AUTS2: variants seen among roughly 807,000 people sequenced by gnomAD.
AUTS2 encodes activator of transcription and developmental regulator AUTS2.
A neutral mutation model predicts 112.4 loss-of-function variants in AUTS2; 17 were observed. The ratio of observed to expected loss-of-function variants is 0.15; its 90% CI spans 0.10 to 0.23. The LOEUF (loss-of-function observed/expected upper bound fraction) is 0.23, where lower values mean the gene tolerates loss of function less well. Ranked by LOEUF, AUTS2 falls within the 10% of genes least tolerant of loss-of-function variation. The probability of loss-of-function intolerance (pLI) is 1.00; values close to 1 mark genes in which losing one functional copy is unlikely to be tolerated. For missense variants in AUTS2, 1,510 were observed against 1,701.6 expected (o/e 0.89, Z 1.98); for synonymous variants, 751 against 702.7 (o/e 1.07, Z -1.09).
chr7:70,469,000 G>T (rs943399638), intron 5 of AUTS2, among the ~76,000 whole-genome samples: 1 of 152,276 alleles, frequency 6.6e-6, no homozygotes, highest in Non-Finnish European at 1.5e-5. Flanking sequence ...TAAAATAATC[G>T]TCAGTAGTTG....
rs567175469 is a variant in AUTS2, at chr7:70,572,492, C to T, written c.691-126077C>T. Among the ~76,000 whole-genome samples the T allele has an allele frequency of 9.6e-4, 131 of 135,808 alleles. 2 individuals are homozygous for T. Among genetic ancestry groups the T allele is most frequent in the Middle Eastern group, 8.4e-3 (2 of 238 alleles). 89.1% of individuals were successfully genotyped at this position (135,808 alleles called of 152,430 possible). A position where few individuals can be genotyped will look rare whatever the true frequency, so the allele number is the denominator to read the frequency against. On this transcript the variant is annotated intron_variant, in intron 5 of 18. Transcript: ENST00000342771. ...GGTGGGGAGGCAGGAAAAGGGGGGG[C>T]GAGAGTGAAATATTACTACTTAAAA... is the stretch of plus-strand genomic sequence containing the variant.
intron 6 of AUTS2, among the ~76,000 whole-genome samples, chr7:70,708,917 CTT>C (rs34290500): frequency 0.23 from 31,538 of 134,268 alleles, 3,365 homozygotes; most frequent in East Asian, 0.59. Context: ...TGTTTAAATA[CTT>C]TTTTTTTTTT....
intron 6 of AUTS2, among the ~76,000 whole-genome samples, chr7:70,760,746 A>C (rs974202057): frequency 5.9e-5 from 9 of 152,226 alleles, no homozygotes; most frequent in Admixed American, 4.6e-4. Context: ...TTAGGAACAA[A>C]GGTTTTGAGA....
chr7:69,854,194 A>G (rs770535885), intron 1 of AUTS2, among the ~76,000 whole-genome samples: 6 of 152,116 alleles, frequency 3.9e-5, no homozygotes, highest in African/African-American at 7.2e-5. Flanking sequence ...TGTGCTACCA[A>G]TGCCTTTCAG....
intron 4 of AUTS2, chr7:70,292,212 G>T (rs1410892967): frequency 6.6e-6 from 1 of 152,200 alleles, no homozygotes; most frequent in East Asian, 1.9e-4. Context: ...CCTTCATGGA[G>T]TCTCTGGTCA....
chr7:70,038,830 C>T (rs940559627), intron 2 of AUTS2, among the ~76,000 whole-genome samples: 2 of 152,124 alleles, frequency 1.3e-5, no homozygotes, highest in African/African-American at 4.8e-5. Flanking sequence ...GCGATCTCAG[C>T]TCACGGTAAC....
chr7:70,612,596 G>A (rs1804151889), intron 5 of AUTS2, among the ~76,000 whole-genome samples: 1 of 152,040 alleles, frequency 6.6e-6, no homozygotes, highest in Non-Finnish European at 1.5e-5. Context: ...TGGCCTGGGT[G>A]GCACAGGGCT....
intron 1 of AUTS2, among the ~76,000 whole-genome samples, chr7:69,882,734 G>A (rs1794109602): frequency 6.6e-6 from 1 of 151,980 alleles, no homozygotes. Context: ...AGCTTCACAG[G>A]GTATTGTAGT....
intron 4 of AUTS2, among the ~76,000 whole-genome samples, chr7:70,254,645 A>G (rs563972914): frequency 6.6e-6 from 1 of 152,298 alleles, no homozygotes; most frequent in South Asian, 2.1e-4. Flanking sequence ...CTGTTTCTAT[A>G]AAACTTTCCT....
chr7:70,421,172 A>G (rs1795204428), intron 4 of AUTS2, among the ~76,000 whole-genome samples: 1 of 152,186 alleles, frequency 6.6e-6, no homozygotes, highest in Non-Finnish European at 1.5e-5. Context: ...CTCTTTCTTC[A>G]TTCCTTTTTC....
chr7:70,584,267 G>A (rs146476006), intron 5 of AUTS2, among the ~76,000 whole-genome samples: 2 of 152,268 alleles, frequency 1.3e-5, no homozygotes, highest in East Asian at 3.9e-4. Context: ...CTTTCCCAGG[G>A]TGAAATCTGG....
At chr7:70,113,604 G>A (rs1805201332) in intron 2 of AUTS2, among the ~76,000 whole-genome samples, 1 of 152,156 alleles carries the variant, frequency 6.6e-6, no homozygotes, top group African/African-American at 2.4e-5. Flanking sequence ...AAGGATATGT[G>A]CTACTTTGAG....
At chr7:70,296,140 T>C (rs767615928) in intron 4 of AUTS2, among the ~76,000 whole-genome samples, 2 of 152,230 alleles carry the variant, frequency 1.3e-5, no homozygotes, top group Non-Finnish European at 2.9e-5. Flanking sequence ...TTCCTCATAC[T>C]TCCCAAGGTC....
chr7:70,253,925 T>C (rs767536314), intron 4 of AUTS2, among the ~76,000 whole-genome samples: 1 of 152,170 alleles, frequency 6.6e-6, no homozygotes, highest in African/African-American at 2.4e-5. Flanking sequence ...GGGGGCCATG[T>C]GCTATGCTCT....
chr7:70,381,708 C>A (rs905147287), intron 4 of AUTS2, among the ~76,000 whole-genome samples: 14 of 152,180 alleles, frequency 9.2e-5, no homozygotes, highest in South Asian at 6.2e-4. Context: ...AAATCAGAGT[C>A]AGAATTTGAC....
At chr7:70,319,450 C>T (rs879012966) in intron 4 of AUTS2, among the ~76,000 whole-genome samples, 1 of 152,000 alleles carries the variant, frequency 6.6e-6, no homozygotes. Context: ...CTCAACCCAG[C>T]GAAATTGGTG....
intron 4 of AUTS2, chr7:70,290,701 G>A: frequency 1.5e-6 from 2 of 1,305,908 alleles, no homozygotes; most frequent in Non-Finnish European, 1.9e-6. Context: ...CAGATCCTTT[G>A]ACAATTGTTA....
At chr7:70,545,407 T>C (rs1800731778) in intron 5 of AUTS2, among the ~76,000 whole-genome samples, 1 of 152,160 alleles carries the variant, frequency 6.6e-6, no homozygotes, top group Non-Finnish European at 1.5e-5. Context: ...TAAGAGGAAA[T>C]AACGGCCTGA....
intron 4 of AUTS2, among the ~76,000 whole-genome samples, chr7:70,435,035 G>C (rs576331794): frequency 1.3e-5 from 2 of 152,144 alleles, no homozygotes; most frequent in Admixed American, 6.5e-5. Flanking sequence ...ACCAAACTCA[G>C]TGGTTGGAAT....
Sources: gnomAD v4.1 joint callset for allele counts (sites outside exome capture counted in the v4.1 genomes callset) on GRCh38, gnomAD v4.1.1 for gene constraint, MANE v1.5 for transcripts, NCBI Gene and HGNC (gene_info 2026-07-23, HGNC 2026-07-21) for gene names.